CHRM3: variants seen among roughly 807,000 people sequenced by gnomAD.
The protein encoded by CHRM3 is cholinergic receptor muscarinic 3, also known as muscarinic acetylcholine receptor M3.
CHRM3 carries 11 observed loss-of-function variants against 41.8 expected under a neutral mutation model. The observed-to-expected ratio is 0.26, with a 90% confidence interval of 0.17 to 0.44. The LOEUF is 0.44. CHRM3 is among the 20% of genes least tolerant of loss of function. The probability of loss-of-function intolerance (pLI) is 1.00; values close to 1 mark genes in which losing one functional copy is unlikely to be tolerated. For missense variants in CHRM3, 571 were observed against 745.4 expected (o/e 0.77, Z 2.72); for synonymous variants, 297 against 301.4 (o/e 0.99, Z 0.15).
intron 1 of CHRM3, among the ~76,000 whole-genome samples, chr1:239,485,269 A>G (rs1558258184): frequency 6.6e-6 from 1 of 152,284 alleles, no homozygotes; most frequent in South Asian, 2.1e-4. Flanking sequence ...TCAGCATCAC[A>G]CATGAACAGG....
intron 6 of CHRM3, among the ~76,000 whole-genome samples, chr1:239,880,494 G>A (rs988547555): frequency 6.6e-6 from 1 of 152,164 alleles, no homozygotes; most frequent in Non-Finnish European, 1.5e-5. Context: ...CTATGTGGAG[G>A]TTTGTTTGGT....
At chr1:239,749,908 A>T (rs1405072001) in intron 5 of CHRM3, among the ~76,000 whole-genome samples, 1 of 152,256 alleles carries the variant, frequency 6.6e-6, no homozygotes, top group Non-Finnish European at 1.5e-5. Context: ...CTTGAGTTAT[A>T]AGAAGCTGTG....
chr1:239,803,711 A>C (rs1670391640), intron 5 of CHRM3, among the ~76,000 whole-genome samples: 1 of 152,170 alleles, frequency 6.6e-6, no homozygotes, highest in Admixed American at 6.5e-5. Context: ...TACTAAAATC[A>C]AGTGTGGAAG....
intron 6 of CHRM3, among the ~76,000 whole-genome samples, chr1:239,843,728 G>A (rs2149181218): frequency 6.6e-6 from 1 of 152,174 alleles, no homozygotes; most frequent in East Asian, 1.9e-4. Flanking sequence ...CCCAGAAAGA[G>A]GAAGAAGCAG....
intron 1 of CHRM3, among the ~76,000 whole-genome samples, chr1:239,396,535 G>A (rs888529241): frequency 2.0e-5 from 3 of 152,088 alleles, no homozygotes; most frequent in Admixed American, 2.0e-4. Flanking sequence ...GATCCCTTGA[G>A]CCCATTAGTT....
At chr1:239,728,497 T>A (rs1663653128) in intron 5 of CHRM3, among the ~76,000 whole-genome samples, 1 of 152,016 alleles carries the variant, frequency 6.6e-6, no homozygotes, top group Admixed American at 6.6e-5. Context: ...TTTGAATCTT[T>A]GTTTGCCTAT....
chr1:239,532,560 G>C (rs549560690), intron 2 of CHRM3, among the ~76,000 whole-genome samples: 314 of 150,668 alleles, frequency 2.1e-3, no homozygotes, highest in African/African-American at 4.6e-3. Context: ...GGGAGGCAGA[G>C]GTTGCAGTGA....
At chr1:239,464,293 A>C (rs546402736) in intron 1 of CHRM3, among the ~76,000 whole-genome samples, 2 of 151,870 alleles carry the variant, frequency 1.3e-5, no homozygotes, top group Non-Finnish European at 2.9e-5. Context: ...AAAAAAAAAA[A>C]AAAAAGTTCA....
At chr1:239,742,346 G>A (rs1174060646) in intron 5 of CHRM3, among the ~76,000 whole-genome samples, 1 of 152,126 alleles carries the variant, frequency 6.6e-6, no homozygotes, top group Non-Finnish European at 1.5e-5. Context: ...TGCTGGTCTG[G>A]CCTGGAGTCA....
chr1:239,592,636 T>A (rs1664311545), intron 3 of CHRM3, among the ~76,000 whole-genome samples: 1 of 152,212 alleles, frequency 6.6e-6, no homozygotes, highest in African/African-American at 2.4e-5. Flanking sequence ...GTACTTCATT[T>A]TTTTATATCA....
chr1:239,551,144 CTT>C (rs1157407521), intron 3 of CHRM3, among the ~76,000 whole-genome samples: 74 of 60,332 alleles, frequency 1.2e-3, no homozygotes, highest in Admixed American at 1.8e-3. Flanking sequence ...TGTTACCATT[CTT>C]TTTTTTTTTT....
intron 1 of CHRM3, among the ~76,000 whole-genome samples, chr1:239,439,322 T>C (rs1663521946): frequency 6.6e-6 from 1 of 152,180 alleles, no homozygotes; most frequent in Non-Finnish European, 1.5e-5. Flanking sequence ...ATTATAGTAA[T>C]AACACTATCA....
At chr1:239,618,700 T>A (rs571981700) in intron 3 of CHRM3, among the ~76,000 whole-genome samples, 2 of 150,276 alleles carry the variant, frequency 1.3e-5, no homozygotes, top group Non-Finnish European at 3.0e-5. Context: ...AAAAATTAGC[T>A]GGGCGTGGTG....
At chr1:239,613,572 T>C (rs1355005305) in intron 3 of CHRM3, among the ~76,000 whole-genome samples, 1 of 152,150 alleles carries the variant, frequency 6.6e-6, no homozygotes, top group Non-Finnish European at 1.5e-5. Context: ...TGTCAGATGA[T>C]GAAAGGTCTG....
At chr1:239,745,827 A>G (rs1251185926) in intron 5 of CHRM3, among the ~76,000 whole-genome samples, 1 of 152,282 alleles carries the variant, frequency 6.6e-6, no homozygotes, top group South Asian at 2.1e-4. Flanking sequence ...TTTTCTTATA[A>G]TTTTTAATAG....
At chr1:239,677,584 C>T (rs1417739134) in intron 4 of CHRM3, among the ~76,000 whole-genome samples, 2 of 152,150 alleles carry the variant, frequency 1.3e-5, no homozygotes, top group Admixed American at 6.6e-5. Flanking sequence ...TGTGTCTTCA[C>T]ATGGCAGAAG....
At chr1:239,576,785 A>G (rs2148566261) in intron 3 of CHRM3, among the ~76,000 whole-genome samples, 1 of 145,156 alleles carries the variant, frequency 6.9e-6, no homozygotes, top group African/African-American at 2.8e-5. Flanking sequence ...GCAAGACCCT[A>G]TCTAAAAAAA....
chr1:239,908,432 G>A lies in CHRM3; in HGVS notation c.981G>A (p.Met327Ile), dbSNP rs1194552689. 6.2e-7 allele frequency: 1 copy of A among 1,613,988 alleles called. No homozygotes were observed. The highest frequency in any genetic ancestry group is 1.3e-5 in the African/African-American group (1 of 75,026). ...TKSWKPSSEQMDQDHSSSDSW... is the reference protein window; with the variant it reads ...TKSWKPSSEQIDQDHSSSDSW... ...GCTGGAAACCCAGCTCCGAGCAGAT[G>A]GACCAAGACCACAGCAGCAGTGACA... The change falls in exon 7 of 7, where the codon ATG becomes ATA. Residue 327 changes from methionine to isoleucine, a missense_variant. Met to Ile is a conservative substitution (Grantham distance 10, BLOSUM62 1). Transcript: ENST00000676153. This position sits in a 1 kb window ranked among gnomAD's most constrained non-coding sequence, Gnocchi z 7.2.
At chr1:239,463,507 C>T (rs1395748141) in intron 1 of CHRM3, among the ~76,000 whole-genome samples, 1 of 152,118 alleles carries the variant, frequency 6.6e-6, no homozygotes, top group Non-Finnish European at 1.5e-5. Context: ...TAACCTGTCA[C>T]TGCTGTCTTG....
Sources: gnomAD v4.1 joint callset for allele counts (sites outside exome capture counted in the v4.1 genomes callset) on GRCh38, gnomAD v4.1.1 for gene constraint, Gnocchi (gnomAD v3.1) non-coding constraint, MANE v1.5 for transcripts, NCBI Gene and HGNC (gene_info 2026-07-23, HGNC 2026-07-21) for gene names.